TMEM135: variants seen among roughly 807,000 people sequenced by gnomAD.
The protein encoded by TMEM135 is peroxisomal membrane protein 52.
In TMEM135, 30 loss-of-function variants were observed where a neutral mutation model predicts 60.3. The ratio of observed to expected loss-of-function variants is 0.50; its 90% CI spans 0.37 to 0.68. The LOEUF (loss-of-function observed/expected upper bound fraction) is 0.68, where lower values mean the gene tolerates loss of function less well. Among genes scored for constraint, TMEM135 ranks in the 30% least tolerant of loss-of-function variants. The probability of loss-of-function intolerance (pLI) is 0.00; values close to 1 mark genes in which losing one functional copy is unlikely to be tolerated. For synonymous variants in TMEM135, 190 were observed against 186.7 expected, an observed-to-expected ratio of 1.02 and a Z score of -0.14; for missense variants, 468 against 548.8, an observed-to-expected ratio of 0.85 and a Z score of 1.47.
chr11:87,142,506 C>T (rs2451053), intron 4 of TMEM135, among the ~76,000 whole-genome samples: 72,254 of 151,986 alleles, frequency 0.48, 17,466 homozygotes, highest in East Asian at 0.67. Flanking sequence ...ATTGACAATC[C>T]GGCATCTACT....
intron 5 of TMEM135, among the ~76,000 whole-genome samples, chr11:87,222,129 C>T (rs1940634248): frequency 7.8e-6 from 1 of 128,624 alleles, no homozygotes; most frequent in Non-Finnish European, 1.6e-5. Context: ...TTGCAGTGAG[C>T]CGAGATAGCG....
In TMEM135 at chr11:87,318,123, T is replaced by C. The variant is rs754928050; in HGVS notation, c.1078-14T>C. 6 of 1,602,016 alleles carry C rather than the reference T, an allele frequency of 3.7e-6. No individual in the cohort carries two copies. Among genetic ancestry groups the C allele is most frequent in the South Asian group, 3.3e-5 (3 of 90,878 alleles). ...TTTTTTCTTTATAACTCTTGTCTTA[T>C]GCTTGTTTTGCAGACAATGTATTTC... On this transcript the variant is annotated splice_polypyrimidine_tract_variant and intron_variant, in intron 12 of 14. Coordinates refer to ENST00000305494, the MANE Select transcript of TMEM135 (RefSeq NM_022918.4).
chr11:87,273,318 G>A (rs111894319), intron 6 of TMEM135, among the ~76,000 whole-genome samples: 3,238 of 152,154 alleles, frequency 0.021, 125 homozygotes, highest in African/African-American at 0.072. Flanking sequence ...TTACCTACCC[G>A]TGTTTATCAG....
intron 7 of TMEM135, among the ~76,000 whole-genome samples, chr11:87,297,155 A>G (rs930960467): frequency 6.6e-6 from 1 of 152,220 alleles, no homozygotes; most frequent in Non-Finnish European, 1.5e-5. Flanking sequence ...ATTAAAGAGA[A>G]GGAGAAAAAG....
intron 6 of TMEM135, among the ~76,000 whole-genome samples, chr11:87,253,694 T>C (rs1446333702): frequency 2.1e-5 from 3 of 139,936 alleles, no homozygotes; most frequent in Non-Finnish European, 3.1e-5. Context: ...TATATATATA[T>C]ATATCCTGGT....
chr11:87,258,716 G>T, intron 6 of TMEM135: 1 of 391,228 alleles, frequency 2.6e-6, no homozygotes, highest in South Asian at 2.3e-5. Flanking sequence ...GACAATGTGG[G>T]GAGATTTCTT....
chr11:87,191,357 C>T (rs1939794734), intron 5 of TMEM135, among the ~76,000 whole-genome samples: 1 of 152,092 alleles, frequency 6.6e-6, no homozygotes, highest in African/African-American at 2.4e-5. Context: ...TCTCCTGCCT[C>T]AGCCTCCTGA....
chr11:87,296,224 T>A (rs1302204216), intron 7 of TMEM135, among the ~76,000 whole-genome samples: 2 of 152,210 alleles, frequency 1.3e-5, no homozygotes, highest in African/African-American at 4.8e-5. Context: ...CGATTTTAAG[T>A]ATCACTAGAG....
At chr11:87,158,536 A>G (rs1278156850) in intron 5 of TMEM135, among the ~76,000 whole-genome samples, 1 of 148,414 alleles carries the variant, frequency 6.7e-6, no homozygotes, top group African/African-American at 2.5e-5. Context: ...ATCTTGGCTT[A>G]CTACAAGCTC....
At chr11:87,130,121 TA>T (rs112889721) in intron 4 of TMEM135, among the ~76,000 whole-genome samples, 17,890 of 148,136 alleles carry the variant, frequency 0.12, 1,382 homozygotes, top group African/African-American at 0.21. Context: ...AGTACATTTT[TA>T]AAAAAAAAAA....
chr11:87,092,972 A>C (rs921203689), intron 4 of TMEM135, among the ~76,000 whole-genome samples: 2 of 152,074 alleles, frequency 1.3e-5, no homozygotes, highest in African/African-American at 4.8e-5. Context: ...TAGTCCGAGA[A>C]TTCATGGTTA....
rs1014557146 is a variant in TMEM135 at position 87,318,029 on chromosome 11, G to A, written c.1078-108G>A. The A allele has an allele frequency of 1.8e-5, 15 of 818,976 alleles. No homozygotes were observed. The African/African-American group carries it at 2.5e-4, about 14-fold the overall frequency. 50.7% of individuals were successfully genotyped at this position (818,976 alleles called of 1,614,324 possible). A position where few individuals can be genotyped will look rare whatever the true frequency, so the allele number is the denominator to read the frequency against. ...AATGTGACATCGTTTGAGCTCTGAA[G>A]GGAGTATTAGGATTCAGAAAGGTTG... On this transcript the variant is annotated intron_variant, in intron 12 of 14. Coordinates refer to ENST00000305494, the MANE Select transcript of TMEM135 (RefSeq NM_022918.4).
chr11:87,197,289 C>G (rs1195802250), intron 5 of TMEM135, among the ~76,000 whole-genome samples: 1 of 151,980 alleles, frequency 6.6e-6, no homozygotes, highest in African/African-American at 2.4e-5. Flanking sequence ...AGTACATATT[C>G]TTTTAATTTA....
In TMEM135 at chr11:87,222,634, T is replaced by TATTAAAATACAAAAAATAG. The variant is rs1208572845; in HGVS notation, c.463-14004_463-14003insATTAAAATACAAAAAATAG. Among the ~76,000 whole-genome samples the TATTAAAATACAAAAAATAG allele has an allele frequency of 5.4e-5, 8 of 149,192 alleles. No homozygotes were observed. The East Asian group carries it at 1.6e-3, about 30-fold the overall frequency. On this transcript the variant is annotated intron_variant, in intron 5 of 14. Coordinates refer to ENST00000305494, the MANE Select transcript of TMEM135 (RefSeq NM_022918.4). ...GCCTGACTAACATAGTGAAACCCCGTCTCTATTAAAAATACAAAAAATAGC... is the reference window on the plus strand; with the variant it reads ...GCCTGACTAACATAGTGAAACCCCGTATTAAAATACAAAAAATAGCTCTATTAAAAATACAAAAAATAGC...
intron 6 of TMEM135, among the ~76,000 whole-genome samples, chr11:87,265,623 G>T (rs757272991): frequency 5.9e-5 from 9 of 151,846 alleles, no homozygotes; most frequent in Non-Finnish European, 1.0e-4. Flanking sequence ...TCTTAAAGAT[G>T]AATTTAACCC....
chr11:87,208,646 G>T (rs955606061), intron 5 of TMEM135, among the ~76,000 whole-genome samples: 2 of 152,170 alleles, frequency 1.3e-5, no homozygotes, highest in Non-Finnish European at 2.9e-5. Flanking sequence ...CATATTTCAG[G>T]ATATATTTCA....
chr11:87,262,090 C>G (rs536387555), intron 6 of TMEM135, among the ~76,000 whole-genome samples: 21 of 152,128 alleles, frequency 1.4e-4, no homozygotes, highest in Middle Eastern at 3.4e-3. Flanking sequence ...CAAAAAAAAT[C>G]TATAAATAAG....
At chr11:87,073,282 C>G (rs1425283527) in intron 3 of TMEM135, among the ~76,000 whole-genome samples, 1 of 152,138 alleles carries the variant, frequency 6.6e-6, no homozygotes, top group Non-Finnish European at 1.5e-5. Flanking sequence ...ATCCGCCCAC[C>G]TCGGCCTCCC....
At chr11:87,168,895 T>C (rs1051346740) in intron 5 of TMEM135, among the ~76,000 whole-genome samples, 1 of 152,006 alleles carries the variant, frequency 6.6e-6, no homozygotes, top group Non-Finnish European at 1.5e-5. Context: ...ATATGGACGA[T>C]GAGGTGTTAA....
Sources: gnomAD v4.1 joint callset for allele counts (sites outside exome capture counted in the v4.1 genomes callset) on GRCh38, gnomAD v4.1.1 for gene constraint, MANE v1.5 for transcripts, NCBI Gene and HGNC (gene_info 2026-07-23, HGNC 2026-07-21) for gene names.